The following MYRFL variants were observed in gnomAD, a reference collection of about 807,000 sequenced individuals.
MYRFL encodes myelin regulatory factor like.
A neutral mutation model predicts 109.4 loss-of-function variants in MYRFL; 88 were observed. The ratio of observed to expected loss-of-function variants is 0.80; its 90% CI spans 0.68 to 0.96. The LOEUF is 0.96. Ranked by LOEUF, MYRFL falls within the 40% of genes least tolerant of loss-of-function variation. The pLI is 0.00. For synonymous variants in MYRFL, 324 were observed against 320.9 expected, an observed-to-expected ratio of 1.01 and a Z score of -0.10; for missense variants, 957 against 954.9, an observed-to-expected ratio of 1.00 and a Z score of -0.03.
intron 22 of MYRFL, among the ~76,000 whole-genome samples, chr12:69,957,101 G>C (rs1031523905): frequency 1.3e-5 from 2 of 152,140 alleles, no homozygotes; most frequent in Non-Finnish European, 2.9e-5. Flanking sequence ...TGTTCCCAAA[G>C]ACAAATAGAT....
chr12:69,898,428 A>T (rs1954074017), intron 10 of MYRFL, among the ~76,000 whole-genome samples: 1 of 152,210 alleles, frequency 6.6e-6, no homozygotes, highest in Non-Finnish European at 1.5e-5. Flanking sequence ...CTGACATAAC[A>T]TGCAGCAAAT....
In MYRFL at chr12:69,874,992, A is replaced by T. The variant is rs554409308; in HGVS notation, c.138-4036A>T. On this transcript the variant is annotated intron_variant, in intron 2 of 24. Transcript: ENST00000552032. ...AAAGATATAAATGTATATATCTAAGATATATACATTTATATCTTTAAGAAG... is the reference window on the plus strand; with the variant it reads ...AAAGATATAAATGTATATATCTAAGTTATATACATTTATATCTTTAAGAAG... 3.0e-4 allele frequency among the ~76,000 whole-genome samples: 46 copies of T among 150,944 alleles called. No individual in the cohort carries two copies. In the South Asian group the frequency reaches 9.6e-3, roughly 32 times the overall value.
At position 69,876,211 on chromosome 12, in the gene MYRFL, C is replaced by T. The variant is rs185308555; in HGVS notation, c.138-2817C>T. ...GGCCAGGAAGGCTGTGGATTTCTAT[C>T]GGAGGTTAGCTGTCCTGTGGCTCTG... On this transcript the variant is annotated intron_variant, in intron 2 of 24. Transcript: ENST00000552032. Among the ~76,000 whole-genome samples the T allele has an allele frequency of 5.9e-5, 9 of 152,258 alleles. No homozygotes were observed. In the South Asian group the frequency reaches 1.9e-3, roughly 32 times the overall value.
chr12:69,916,317 C>T (rs559540098), intron 13 of MYRFL, among the ~76,000 whole-genome samples: 15 of 151,990 alleles, frequency 9.9e-5, no homozygotes, highest in Middle Eastern at 3.4e-3. Context: ...AAGCTGGAGA[C>T]GGGGCAGAGG....
chr12:69,929,886 T>C (rs1955216976), intron 15 of MYRFL, among the ~76,000 whole-genome samples: 1 of 152,230 alleles, frequency 6.6e-6, no homozygotes, highest in Non-Finnish European at 1.5e-5. Flanking sequence ...GAGGATTAAA[T>C]AAATTGATAG....
chr12:69,889,593 G>A lies in MYRFL; in HGVS notation c.708-1378G>A, dbSNP rs374016207. Among the ~76,000 whole-genome samples the A allele has an allele frequency of 9.1e-4, 138 of 152,260 alleles. 1 individual carries two copies. The highest frequency in any genetic ancestry group is 3.2e-3 in the African/African-American group (132 of 41,568). On this transcript the variant is annotated intron_variant, in intron 6 of 24. Transcript: ENST00000552032. ...GGATCGGCTGGGCGCAGTGGCTCAC[G>A]CCTGTAATCCCAGCACTCTGGGAGG...
intron 2 of MYRFL, among the ~76,000 whole-genome samples, chr12:69,866,153 T>G (rs1592723443): frequency 6.6e-6 from 1 of 152,100 alleles, no homozygotes; most frequent in East Asian, 1.9e-4. Flanking sequence ...AATGTGAATC[T>G]CAGGGAAATA....
intron 4 of MYRFL, 37 bp downstream of exon 4, chr12:69,879,490 C>A (rs1423904696): frequency 3.0e-6 from 2 of 673,462 alleles, no homozygotes; most frequent in Non-Finnish European, 5.4e-6. Flanking sequence ...AAGACCTTTG[C>A]GGAAAGCCTC....
chr12:69,884,750 G>A (rs940684446), intron 5 of MYRFL, among the ~76,000 whole-genome samples: 1 of 152,198 alleles, frequency 6.6e-6, no homozygotes, highest in Non-Finnish European at 1.5e-5. Context: ...GATAATGACA[G>A]TGCCACTAGT....
chr12:69,870,464 T>C (rs1885291210), intron 2 of MYRFL, among the ~76,000 whole-genome samples: 1 of 152,152 alleles, frequency 6.6e-6, no homozygotes, highest in Admixed American at 6.5e-5. Context: ...TTTGGTATAA[T>C]AGACAAGTTT....
rs186304362 is a variant in MYRFL, at chr12:69,889,036, A to T, written c.708-1935A>T. 2.2e-3 allele frequency among the ~76,000 whole-genome samples: 335 copies of T among 152,278 alleles called. 1 individual carries two copies. The highest frequency in any genetic ancestry group is 7.3e-3 in the African/African-American group (303 of 41,568). ...CATTGGGAAGGTGCAAAGAACATGA[A>T]CACTCTTCTCCCAAGAGACCCATTA... On this transcript the variant is annotated intron_variant, in intron 6 of 24. Coordinates refer to ENST00000552032, the MANE Select transcript of MYRFL (RefSeq NM_182530.3).
intron 19 of MYRFL, 149 bp downstream of exon 19, chr12:69,936,781 A>G (rs1265690838): frequency 1.5e-6 from 1 of 666,534 alleles, no homozygotes; most frequent in South Asian, 2.7e-5. Flanking sequence ...CAAATACACA[A>G]CTGCCAATCA....
intron 13 of MYRFL, among the ~76,000 whole-genome samples, chr12:69,912,717 G>C (rs1037317484): frequency 2.6e-5 from 4 of 152,108 alleles, no homozygotes; most frequent in African/African-American, 9.6e-5. Context: ...TGAACTCTTG[G>C]GTTGCTTCCA....
chr12:69,836,880 A>G (rs1363511337), intron 1 of MYRFL, among the ~76,000 whole-genome samples: 1 of 152,182 alleles, frequency 6.6e-6, no homozygotes, highest in African/African-American at 2.4e-5. Flanking sequence ...ACAAAAATCT[A>G]TAGACGGCCA....
At chr12:69,906,027 A>C (rs1954347165) in intron 11 of MYRFL, among the ~76,000 whole-genome samples, 1 of 152,226 alleles carries the variant, frequency 6.6e-6, no homozygotes, top group Non-Finnish European at 1.5e-5. Flanking sequence ...TTATTCTTTA[A>C]GAGTGCATTC....
At chr12:69,876,035 C>T (rs1885644162) in intron 2 of MYRFL, among the ~76,000 whole-genome samples, 2 of 152,160 alleles carry the variant, frequency 1.3e-5, no homozygotes, top group African/African-American at 4.8e-5. Flanking sequence ...GCGCAGTCTG[C>T]CCCATATATG....
At chr12:69,901,838 C>A (rs1335503985) in intron 10 of MYRFL, among the ~76,000 whole-genome samples, 1 of 151,956 alleles carries the variant, frequency 6.6e-6, no homozygotes, top group Non-Finnish European at 1.5e-5. Context: ...ATACTCTTCC[C>A]CCACTCCCCA....
chr12:69,891,038 G>A lies in MYRFL; in HGVS notation c.775G>A (p.Val259Ile), dbSNP rs1209318362. 5 of 1,534,848 alleles carry A rather than the reference G, an allele frequency of 3.3e-6. No individual in the cohort carries two copies. Among genetic ancestry groups the A allele is most frequent in the Non-Finnish European group, 4.4e-6 (5 of 1,146,434 alleles). Reference protein sequence around the residue: ...FNFSPADEAFVCQKKNHFQIT... With the variant: ...FNFSPADEAFICQKKNHFQIT... ...TTTTTCACCAGCAGATGAAGCTTTT[G>A]TTTGCCAAAAGAAGAATCATTTCCA... Residue 259 changes from valine to isoleucine, a missense_variant, in exon 7 of 25, where the codon GTT (valine) becomes ATT (isoleucine). Coordinates refer to ENST00000552032, the MANE Select transcript of MYRFL (RefSeq NM_182530.3).
chr12:69,902,130 G>C (rs1458386905), intron 10 of MYRFL, among the ~76,000 whole-genome samples: 3 of 152,018 alleles, frequency 2.0e-5, no homozygotes, highest in Non-Finnish European at 4.4e-5. Flanking sequence ...CTGACCTCAG[G>C]TGATCCACAC....
Sources: gnomAD v4.1 joint callset for allele counts (sites outside exome capture counted in the v4.1 genomes callset) on GRCh38, gnomAD v4.1.1 for gene constraint, MANE v1.5 for transcripts, NCBI Gene and HGNC (gene_info 2026-07-23, HGNC 2026-07-21) for gene names.